The following GRID2 variants were observed in gnomAD, a reference collection of about 807,000 sequenced individuals.
The protein encoded by GRID2 is glutamate ionotropic receptor delta type subunit 2, also known as glutamate receptor ionotropic, delta-2.
A neutral mutation model predicts 114.8 loss-of-function variants in GRID2; 33 were observed. The observed-to-expected ratio is 0.29, with a 90% CI of 0.22 to 0.38. The LOEUF is 0.38. GRID2 is among the 10% of genes least tolerant of loss of function. The pLI, the probability that GRID2 is intolerant of heterozygous loss-of-function variation, is 1.00. For synonymous variants in GRID2, 505 were observed against 449.9 expected (o/e 1.12, Z -1.55); for missense variants, 1,184 against 1,257.7 (o/e 0.94, Z 0.89).
At chr4:92,747,873 A>G (rs1299247771) in intron 2 of GRID2, among the ~76,000 whole-genome samples, 2 of 152,152 alleles carry the variant, frequency 1.3e-5, no homozygotes, top group African/African-American at 2.4e-5. Context: ...CTGATCATAC[A>G]TGGACTCCTG....
chr4:93,408,868 C>T (rs1420145294), intron 9 of GRID2, among the ~76,000 whole-genome samples: 2 of 152,018 alleles, frequency 1.3e-5, no homozygotes, highest in South Asian at 2.1e-4. Context: ...AGTTTCCCAC[C>T]GTGCTTCATA....
intron 2 of GRID2, among the ~76,000 whole-genome samples, chr4:92,787,931 A>T (rs2149362555): frequency 6.6e-6 from 1 of 151,934 alleles, no homozygotes; most frequent in East Asian, 2.0e-4. Flanking sequence ...AGAGTGAAGG[A>T]TAACCTCGTG....
chr4:93,092,471 G>T (rs968568503), intron 3 of GRID2, among the ~76,000 whole-genome samples: 1 of 151,996 alleles, frequency 6.6e-6, no homozygotes, highest in African/African-American at 2.4e-5. Context: ...GGATACAAGG[G>T]GTCAACTTTC....
intron 11 of GRID2, among the ~76,000 whole-genome samples, chr4:93,469,957 T>A (rs1724648444): frequency 6.6e-6 from 1 of 152,080 alleles, no homozygotes; most frequent in African/African-American, 2.4e-5. Context: ...AGAAAAAGGA[T>A]TAGGTTAAAA....
intron 4 of GRID2, among the ~76,000 whole-genome samples, chr4:93,128,277 C>T (rs969125027): frequency 1.3e-5 from 2 of 151,834 alleles, no homozygotes; most frequent in African/African-American, 2.4e-5. Flanking sequence ...TGTCATATTT[C>T]GCCCTTAAGC....
chr4:92,984,022 G>T (rs1384924689), intron 2 of GRID2, among the ~76,000 whole-genome samples: 1 of 152,140 alleles, frequency 6.6e-6, no homozygotes, highest in African/African-American at 2.4e-5. Context: ...GGCCCTCAGT[G>T]TTTTTGATTG....
rs200074870 is a variant in GRID2, at chr4:92,658,795, A to G, written c.244+68509A>G. On this transcript the variant is annotated intron_variant, in intron 2 of 15. Coordinates refer to ENST00000282020, the MANE Select transcript of GRID2 (RefSeq NM_001510.4). ...TTTGCATGTATGTGTGTGTGTGTGT[A>G]TATATATATATATATATATATATAC... Among the ~76,000 whole-genome samples the G allele has an allele frequency of 6.6e-4, 49 of 73,818 alleles. 1 individual carries two copies. Among genetic ancestry groups the G allele is most frequent in the South Asian group, 2.3e-3 (5 of 2,222 alleles). 48.4% of individuals were successfully genotyped at this position (73,818 alleles called of 152,430 possible). A position where few individuals can be genotyped will look rare whatever the true frequency, so the allele number is the denominator to read the frequency against.
chr4:92,326,114 T>C (rs1726584559), intron 1 of GRID2, among the ~76,000 whole-genome samples: 1 of 151,872 alleles, frequency 6.6e-6, no homozygotes. Context: ...ATACTGGAAC[T>C]GATTTACCAA....
chr4:93,236,888 C>G (rs1054114791), intron 7 of GRID2, among the ~76,000 whole-genome samples: 4 of 152,010 alleles, frequency 2.6e-5, no homozygotes, highest in Non-Finnish European at 5.9e-5. Flanking sequence ...TCTAAGAGAA[C>G]TAAAAATCCT....
intron 8 of GRID2, among the ~76,000 whole-genome samples, chr4:93,239,488 T>G (rs1010784728): frequency 1.3e-5 from 2 of 151,378 alleles, no homozygotes; most frequent in African/African-American, 4.8e-5. Flanking sequence ...GTATTTTTAG[T>G]GCTGAGATGT....
Position 93,139,491 on chromosome 4 carries a change from ATC to A in GRID2, c.735+28540_735+28541del, listed in dbSNP as rs1735563718. ...GCTAATAGAAAGTTTCCTAAAACAA[ATC>A]TGTTTTAGATTCTCCCCAAGTCTAG... On this transcript the variant is annotated intron_variant, in intron 4 of 15. Coordinates refer to ENST00000282020, the MANE Select transcript of GRID2 (RefSeq NM_001510.4). Among the ~76,000 whole-genome samples, 3 of 152,156 alleles carry A rather than the reference ATC, an allele frequency of 2.0e-5. No homozygotes were observed. The South Asian group carries it at 6.2e-4, about 31-fold the overall frequency.
At chr4:92,351,652 C>T (rs560637048) in intron 1 of GRID2, among the ~76,000 whole-genome samples, 1 of 151,924 alleles carries the variant, frequency 6.6e-6, no homozygotes, top group South Asian at 2.1e-4. Context: ...CCTCTCCCTT[C>T]TCTTCCCTCC....
chr4:92,783,226 G>A (rs904540540), intron 2 of GRID2, among the ~76,000 whole-genome samples: 1 of 152,006 alleles, frequency 6.6e-6, no homozygotes, highest in Admixed American at 6.6e-5. Flanking sequence ...TAGCTATGTT[G>A]TGGGTTTTCA....
At chr4:92,813,539 T>C (rs1202055239) in intron 2 of GRID2, among the ~76,000 whole-genome samples, 1 of 152,166 alleles carries the variant, frequency 6.6e-6, no homozygotes, top group East Asian at 1.9e-4. Context: ...ATACAAATAA[T>C]GCTCTTAGTA....
chr4:93,602,462 A>G (rs564531806), intron 13 of GRID2, among the ~76,000 whole-genome samples: 29 of 152,132 alleles, frequency 1.9e-4, no homozygotes, highest in Non-Finnish European at 3.5e-4. Flanking sequence ...ATTTTTCCCA[A>G]CAGTGTCTGT....
intron 13 of GRID2, among the ~76,000 whole-genome samples, chr4:93,563,155 G>A (rs13137427): frequency 0.18 from 27,972 of 151,916 alleles, 2,963 homozygotes; most frequent in Middle Eastern, 0.29. Flanking sequence ...ATTATTAAAA[G>A]CAAACTGTCA....
In GRID2 at chr4:92,391,977, C is replaced by G. The variant is rs550830639; in HGVS notation, c.88+87233C>G. On this transcript the variant is annotated intron_variant, in intron 1 of 15. Coordinates refer to ENST00000282020, the MANE Select transcript of GRID2 (RefSeq NM_001510.4). ...CCCTCCCTTAGGACGTGACAGATCT[C>G]TGATGGTGTCTTTGTCTTCCTTCTG... Among the ~76,000 whole-genome samples the G allele has an allele frequency of 2.3e-4, 35 of 152,288 alleles. No individual in the cohort carries two copies. The South Asian group carries it at 2.7e-3, about 12-fold the overall frequency.
At chr4:93,088,240 A>G (rs1730493940) in intron 3 of GRID2, among the ~76,000 whole-genome samples, 4 of 152,154 alleles carry the variant, frequency 2.6e-5, no homozygotes, top group Admixed American at 2.6e-4. Flanking sequence ...AAAAGATGAA[A>G]AAAATGTGGA....
At chr4:93,400,603 A>AGT (rs1765784837) in intron 9 of GRID2, among the ~76,000 whole-genome samples, 5 of 152,166 alleles carry the variant, frequency 3.3e-5, no homozygotes, top group African/African-American at 1.2e-4. Context: ...ATATATGATA[A>AGT]TAAAATGGAA....
Sources: allele counts gnomAD v4.1 joint callset (sites outside exome capture counted in the v4.1 genomes callset), GRCh38; gene constraint gnomAD v4.1.1; transcripts MANE v1.5; gene names NCBI Gene and HGNC (gene_info 2026-07-23, HGNC 2026-07-21).